Variants in PARD3B observed in about 807,000 individuals in gnomAD.
The protein encoded by PARD3B is par-3 family cell polarity regulator beta, also known as partitioning defective 3 homolog B.
In PARD3B, 103 loss-of-function variants were observed where a neutral mutation model predicts 130.2. The observed-to-expected ratio is 0.79, with a 90% CI of 0.67 to 0.93. The LOEUF (loss-of-function observed/expected upper bound fraction) is 0.93. PARD3B is among the 40% of genes least tolerant of loss of function. The pLI is 0.00. For synonymous variants in PARD3B, 583 were observed against 553.2 expected (o/e 1.05, Z -0.76); for missense variants, 1,609 against 1,499.2 (o/e 1.07, Z -1.21).
chr2:205,214,819 T>C (rs1306198760), intron 15 of PARD3B, among the ~76,000 whole-genome samples: 4 of 152,100 alleles, frequency 2.6e-5, no homozygotes, highest in African/African-American at 9.7e-5. Context: ...CTAAATTAAC[T>C]AACCCATTAG....
chr2:205,485,441 G>A (rs2049400876), intron 20 of PARD3B, among the ~76,000 whole-genome samples: 1 of 152,158 alleles, frequency 6.6e-6, no homozygotes. Context: ...TTTTGCCAAT[G>A]ATTTTATCAA....
Position 205,572,501 on chromosome 2 carries a change from T to A in PARD3B, c.3260+19098T>A, listed in dbSNP as rs1302566571. ...GGTGCACGCCTGTAATCCCAGCACTTTGGGAGGCCAAGGCAGGCGGATTGC... is the reference window on the plus strand; with the variant it reads ...GGTGCACGCCTGTAATCCCAGCACTATGGGAGGCCAAGGCAGGCGGATTGC... On this transcript the variant is annotated intron_variant, in intron 22 of 22. Transcript: ENST00000406610. The surrounding 1 kb of genome is among the most constrained non-coding windows in gnomAD (Gnocchi z 4.2). Among the ~76,000 whole-genome samples, 1 of 152,086 alleles carries A rather than the reference T, an allele frequency of 6.6e-6. No homozygotes were observed. Among genetic ancestry groups the A allele is most frequent in the Non-Finnish European group, 1.5e-5 (1 of 68,026 alleles).
At chr2:205,547,572 T>C (rs115014861) in intron 21 of PARD3B, among the ~76,000 whole-genome samples, 3,904 of 152,236 alleles carry the variant, frequency 0.026, 161 homozygotes, top group African/African-American at 0.087. Flanking sequence ...GCTATTTCTA[T>C]GTAGGAAGTT....
intron 10 of PARD3B, among the ~76,000 whole-genome samples, chr2:205,145,153 A>G (rs1346109818): frequency 6.6e-6 from 1 of 152,120 alleles, no homozygotes; most frequent in Non-Finnish European, 1.5e-5. Flanking sequence ...ACCCTAAATA[A>G]CGGCACATAT....
At chr2:204,712,171 A>G (rs1222396937) in intron 2 of PARD3B, among the ~76,000 whole-genome samples, 1 of 152,222 alleles carries the variant, frequency 6.6e-6, no homozygotes, top group Non-Finnish European at 1.5e-5. Flanking sequence ...AAGTTATGTT[A>G]TGAAAGAAAA....
intron 2 of PARD3B, among the ~76,000 whole-genome samples, chr2:204,780,593 C>G (rs566770689): frequency 6.6e-6 from 1 of 152,294 alleles, no homozygotes; most frequent in South Asian, 2.1e-4. Flanking sequence ...CAAACAATCT[C>G]TTTTTCCCCC....
At chr2:205,204,721 C>T (rs1030402800) in intron 15 of PARD3B, among the ~76,000 whole-genome samples, 9 of 152,100 alleles carry the variant, frequency 5.9e-5, no homozygotes, top group Non-Finnish European at 1.3e-4. Flanking sequence ...TTCCCCATTG[C>T]TTGTTTTTGT....
intron 2 of PARD3B, among the ~76,000 whole-genome samples, chr2:204,781,608 T>A (rs1400004980): frequency 1.3e-5 from 2 of 152,132 alleles, no homozygotes; most frequent in Non-Finnish European, 2.9e-5. Context: ...CAATAATTGC[T>A]TTCCATTGTT....
At chr2:205,486,067 A>G (rs977371413) in intron 20 of PARD3B, among the ~76,000 whole-genome samples, 8 of 152,230 alleles carry the variant, frequency 5.3e-5, no homozygotes, top group Non-Finnish European at 1.2e-4. Context: ...AATATTTATG[A>G]ATAAGTAAAG....
chr2:204,557,412 G>A lies in PARD3B; in HGVS notation c.120+11293G>A, dbSNP rs2031001211. 2.0e-5 allele frequency among the ~76,000 whole-genome samples: 3 copies of A among 152,130 alleles called. No individual in the cohort carries two copies. In the South Asian group the frequency reaches 6.2e-4, roughly 32 times the overall value. On this transcript the variant is annotated intron_variant, in intron 1 of 22. Coordinates refer to ENST00000406610, the MANE Select transcript of PARD3B (RefSeq NM_001302769.2). Reference sequence around the variant, plus strand: ...TCCCTCATATTCCACCACATGTCCAGTCGCTCAGAAATTTCCTTTGATGCT... The same window carrying A: ...TCCCTCATATTCCACCACATGTCCAATCGCTCAGAAATTTCCTTTGATGCT...
At chr2:204,856,177 G>T (rs1305182292) in intron 2 of PARD3B, among the ~76,000 whole-genome samples, 1 of 152,002 alleles carries the variant, frequency 6.6e-6, no homozygotes, top group Non-Finnish European at 1.5e-5. Flanking sequence ...TCTACACAAA[G>T]GTTGCCTTTC....
intron 19 of PARD3B, among the ~76,000 whole-genome samples, chr2:205,403,720 C>T (rs147476380): frequency 9.9e-4 from 150 of 152,202 alleles, no homozygotes; most frequent in African/African-American, 3.5e-3. Flanking sequence ...CAAGGTGATT[C>T]GTCAGCAGTC....
At chr2:204,547,252 C>T (rs1004276622) in intron 1 of PARD3B, among the ~76,000 whole-genome samples, 1 of 152,098 alleles carries the variant, frequency 6.6e-6, no homozygotes, top group South Asian at 2.1e-4. Flanking sequence ...CCTTCTTTGC[C>T]TCCATGAAGA....
chr2:205,559,448 G>A (rs1215782335), intron 22 of PARD3B, among the ~76,000 whole-genome samples: 1 of 151,908 alleles, frequency 6.6e-6, no homozygotes, highest in Non-Finnish European at 1.5e-5. Flanking sequence ...ACCTAGCCAA[G>A]AATAGATTTT....
In PARD3B at chr2:205,568,042, C is replaced by T. The variant is rs1191477899; in HGVS notation, c.3260+14639C>T. 6.6e-6 allele frequency among the ~76,000 whole-genome samples: 1 copy of T among 152,206 alleles called. No individual in the cohort carries two copies. Among genetic ancestry groups the T allele is most frequent in the African/African-American group, 2.4e-5 (1 of 41,458 alleles). On this transcript the variant is annotated intron_variant, in intron 22 of 22. Coordinates refer to ENST00000406610, the MANE Select transcript of PARD3B (RefSeq NM_001302769.2). This position sits in a 1 kb window ranked among gnomAD's most constrained non-coding sequence, Gnocchi z 5.3. ...TTCCTAAGATATCAACTCCCCAGCA[C>T]TTCTTCCTGTCCAGTGCACTGGTAA...
intron 15 of PARD3B, among the ~76,000 whole-genome samples, chr2:205,221,939 C>G (rs749449800): frequency 1.3e-5 from 2 of 152,012 alleles, no homozygotes; most frequent in African/African-American, 2.4e-5. Context: ...ACAACACACT[C>G]TGGGGCCTAT....
At chr2:205,566,220 C>T (rs911713640) in intron 22 of PARD3B, among the ~76,000 whole-genome samples, 2 of 152,086 alleles carry the variant, frequency 1.3e-5, no homozygotes, top group Admixed American at 1.3e-4. Flanking sequence ...GAAACCTTTG[C>T]GGGGTTTTAA....
chr2:204,994,974 C>T (rs1694026694), intron 3 of PARD3B, among the ~76,000 whole-genome samples: 1 of 150,810 alleles, frequency 6.6e-6, no homozygotes. Context: ...CTATGTGTGT[C>T]TCTGCACGTG....
At chr2:205,519,446 TG>T (rs1178952971) in intron 21 of PARD3B, among the ~76,000 whole-genome samples, 1 of 152,238 alleles carries the variant, frequency 6.6e-6, no homozygotes, top group Non-Finnish European at 1.5e-5. Flanking sequence ...GTTCTTTTTT[TG>T]GACTGGCTAT....
Sources: gnomAD v4.1 joint callset for allele counts (sites outside exome capture counted in the v4.1 genomes callset) on GRCh38, gnomAD v4.1.1 for gene constraint, Gnocchi (gnomAD v3.1) non-coding constraint, MANE v1.5 for transcripts, NCBI Gene and HGNC (gene_info 2026-07-23, HGNC 2026-07-21) for gene names.